SVOPL: variants seen among roughly 807,000 people sequenced by gnomAD.
SVOPL encodes SVOP like, also known as putative transporter SVOPL.
In SVOPL, 60 loss-of-function variants were observed where a neutral mutation model predicts 61.0. The ratio of observed to expected loss-of-function variants is 0.98; its 90% CI spans 0.80 to 1.22. The LOEUF is 1.22. Among genes scored for constraint, SVOPL ranks in the 50% most tolerant of loss-of-function variants. The pLI, the probability that SVOPL is intolerant of heterozygous loss-of-function variation, is 0.00. For synonymous variants in SVOPL, 279 were observed against 250.0 expected, an observed-to-expected ratio of 1.12 and a Z score of -1.09; for missense variants, 662 against 643.9, an observed-to-expected ratio of 1.03 and a Z score of -0.30.
At chr7:138,605,982 ATT>A (rs201882682) in intron 14 of SVOPL, among the ~76,000 whole-genome samples, 1 of 148,448 alleles carries the variant, frequency 6.7e-6, no homozygotes, top group African/African-American at 2.5e-5. Context: ...ATACAAATAA[ATT>A]TTTTTTTAAA....
intron 9 of SVOPL, among the ~76,000 whole-genome samples, chr7:138,632,365 T>G (rs1269675002): frequency 6.6e-6 from 1 of 151,812 alleles, no homozygotes; most frequent in Non-Finnish European, 1.5e-5. Flanking sequence ...ACCTGGGAGG[T>G]GGAGGTTGCA....
intron 1 of SVOPL, among the ~76,000 whole-genome samples, chr7:138,685,875 A>AT (rs1563138410): frequency 5.2e-4 from 78 of 151,196 alleles, no homozygotes; most frequent in African/African-American, 1.6e-3. Flanking sequence ...GTCTCAAAAA[A>AT]AAAATAAAAT....
intron 14 of SVOPL, among the ~76,000 whole-genome samples, chr7:138,603,082 A>G (rs1327218583): frequency 2.0e-5 from 3 of 152,192 alleles, no homozygotes. Context: ...TACAAATATG[A>G]CTGGAACACA....
chr7:138,637,431 TATATATATATAGATAGATAGATAG>T (rs1800522482), intron 9 of SVOPL, among the ~76,000 whole-genome samples: 2 of 48,236 alleles, frequency 4.1e-5, no homozygotes, highest in South Asian at 7.7e-4. Flanking sequence ...CCATCTCATA[TATATATATATAGATAGATAGATAG>T]ATATATATAT....
At chr7:138,678,571 G>A (rs1206491244) in intron 2 of SVOPL, 46 bp from the exon 3 acceptor site, 2 of 1,532,338 alleles carry the variant, frequency 1.3e-6, no homozygotes, top group South Asian at 2.4e-5. Context: ...TGCAGGGAAG[G>A]GAATGCGTGT....
chr7:138,639,627 AAAAAAG>A (rs1800679790), intron 9 of SVOPL, among the ~76,000 whole-genome samples: 1 of 152,018 alleles, frequency 6.6e-6, no homozygotes. Flanking sequence ...CTCAAAAAAA[AAAAAAG>A]AAAAGAAGAG....
chr7:138,656,404 C>G, intron 7 of SVOPL, 44 bp downstream of exon 7: 3 of 1,591,958 alleles, frequency 1.9e-6, no homozygotes, highest in Non-Finnish European at 2.6e-6. Flanking sequence ...TACATCTTAT[C>G]CCATAGGATG....
chr7:138,685,405 G>C (rs904748878), intron 1 of SVOPL, among the ~76,000 whole-genome samples: 2 of 152,148 alleles, frequency 1.3e-5, no homozygotes, highest in East Asian at 3.8e-4. Flanking sequence ...GAAGCAGAGA[G>C]TGGAATAGTG....
chr7:138,603,802 A>ACTT (rs1798629214), intron 14 of SVOPL, among the ~76,000 whole-genome samples: 1 of 152,154 alleles, frequency 6.6e-6, no homozygotes, highest in Non-Finnish European at 1.5e-5. Flanking sequence ...GAAAACTCTG[A>ACTT]CATGAAAGAC....
At chr7:138,682,059 TTGTC>T (rs754459796) in intron 1 of SVOPL, among the ~76,000 whole-genome samples, 10 of 152,164 alleles carry the variant, frequency 6.6e-5, no homozygotes, top group East Asian at 1.9e-4. Flanking sequence ...TTTGTACAAA[TTGTC>T]TGTACATCAG....
chr7:138,647,346 A>G (rs982235933), intron 8 of SVOPL, among the ~76,000 whole-genome samples: 3 of 152,044 alleles, frequency 2.0e-5, no homozygotes, highest in African/African-American at 7.2e-5. Flanking sequence ...GCACCATTGC[A>G]CTCCAGCCTG....
intron 1 of SVOPL, among the ~76,000 whole-genome samples, chr7:138,695,831 T>C (rs955232498): frequency 6.6e-6 from 1 of 152,328 alleles, no homozygotes; most frequent in African/African-American, 2.4e-5. Context: ...TCACCCAGGC[T>C]GGAGTACAGT....
Position 138,627,352 on chromosome 7 carries a change from T to C in SVOPL, c.1179A>G (p.Ser393=), listed in dbSNP as rs1799937378. 6.2e-7 allele frequency: 1 copy of C among 1,610,076 alleles called. No individual in the cohort carries two copies. The change falls in exon 12 of 16, where the codon TCA becomes TCG. Residue 393 remains serine (S), a splice_region_variant and synonymous_variant. Coordinates refer to ENST00000674285, the MANE Select transcript of SVOPL (RefSeq NM_001139456.2). ...TGAAGCAATTAAACAGAAAATACCT[T>C]GAAGTGCAAATGTTGAGGAGAAGGA... The part of the protein sequence containing the change: ...LFFLLLNICT[S]SAGLIGFLFM...
intron 5 of SVOPL, 82 bp from the exon 6 acceptor site, chr7:138,660,070 G>A (rs1008674143): frequency 4.3e-5 from 66 of 1,521,114 alleles, no homozygotes; most frequent in African/African-American, 2.1e-4. Context: ...GGCGATTTTC[G>A]GTTTCCATCC....
intron 3 of SVOPL, among the ~76,000 whole-genome samples, chr7:138,673,685 C>T (rs1387112159): frequency 2.6e-5 from 4 of 152,142 alleles, no homozygotes; most frequent in Admixed American, 2.6e-4. Flanking sequence ...ATTTAGTAAA[C>T]TCATCTTCCT....
At chr7:138,669,895 T>G (rs1022579701) in intron 4 of SVOPL, among the ~76,000 whole-genome samples, 1 of 152,148 alleles carries the variant, frequency 6.6e-6, no homozygotes, top group African/African-American at 2.4e-5. Context: ...GAAGGGAAGT[T>G]TTCCCTTGGC....
At chr7:138,622,132 A>ACAGAGTCTCAC (rs1563096347) in intron 13 of SVOPL, among the ~76,000 whole-genome samples, 1 of 132,590 alleles carries the variant, frequency 7.5e-6, no homozygotes, top group Non-Finnish European at 1.7e-5. Flanking sequence ...GTATCTATCT[A>ACAGAGTCTCAC]TCTATGTATC....
chr7:138,609,486 C>G (rs1159794675), intron 14 of SVOPL, among the ~76,000 whole-genome samples: 3 of 118,646 alleles, frequency 2.5e-5, no homozygotes, highest in Non-Finnish European at 5.0e-5. Context: ...GACACCACCT[C>G]TACAAAAAAA....
intron 14 of SVOPL, among the ~76,000 whole-genome samples, chr7:138,602,441 C>CTA (rs59400217): frequency 0.03 from 4,212 of 139,850 alleles, 67 homozygotes; most frequent in Non-Finnish European, 0.038. Flanking sequence ...AAGGCAGTTG[C>CTA]TATATATATA....
Sources: allele counts gnomAD v4.1 joint callset (sites outside exome capture counted in the v4.1 genomes callset), GRCh38; gene constraint gnomAD v4.1.1; transcripts MANE v1.5; gene names NCBI Gene and HGNC (gene_info 2026-07-23, HGNC 2026-07-21).